The following ITGA4 variants were observed in gnomAD, a reference collection of about 807,000 sequenced individuals.
ITGA4 encodes the protein integrin subunit alpha 4, also known as integrin alpha-4.
In ITGA4, 63 loss-of-function variants were observed where a neutral mutation model predicts 133.6. The observed-to-expected ratio is 0.47, with a 90% CI of 0.38 to 0.58. The LOEUF is 0.58. Ranked by LOEUF, ITGA4 falls within the 20% of genes least tolerant of loss-of-function variation. The pLI, the probability that ITGA4 is intolerant of heterozygous loss-of-function variation, is 0.00. For synonymous variants in ITGA4, 483 were observed against 438.0 expected (o/e 1.10, Z -1.28); for missense variants, 1,076 against 1,252.7 (o/e 0.86, Z 2.13).
intron 10 of ITGA4, among the ~76,000 whole-genome samples, chr2:181,492,004 C>G (rs1007457237): frequency 5.9e-5 from 9 of 152,342 alleles, no homozygotes; most frequent in Admixed American, 5.2e-4. Context: ...CTATGAGAAG[C>G]CTTTTCTAAT....
chr2:181,503,808 A>G (rs917345432), intron 15 of ITGA4, among the ~76,000 whole-genome samples: 10 of 109,352 alleles, frequency 9.1e-5, no homozygotes, highest in African/African-American at 3.4e-4. Flanking sequence ...ATGTTTCCCC[A>G]TTTATGTAAG....
intron 23 of ITGA4, 54 bp downstream of exon 23, chr2:181,529,702 T>C (rs545093331): frequency 5.2e-5 from 47 of 909,556 alleles, no homozygotes; most frequent in Admixed American, 2.6e-4. Flanking sequence ...AATACTAAAA[T>C]AAATGCAAAC....
rs146010286 is a variant in ITGA4 at position 181,495,661 on chromosome 2, G to C, written c.1386-122G>C. ...CTGTGCACAGAAATGTAATTAGTAT[G>C]TACACACATAATAAGACTCATGAAA... On this transcript the variant is annotated intron_variant, in intron 13 of 27. Coordinates refer to ENST00000397033, the MANE Select transcript of ITGA4 (RefSeq NM_000885.6). The surrounding 1 kb of genome is among the most constrained non-coding windows in gnomAD (Gnocchi z 4.3). The C allele has an allele frequency of 1.1e-3, 919 of 817,480 alleles. 9 individuals carry two copies. In the African/African-American group the frequency reaches 0.015, roughly 13 times the overall value. 50.6% of individuals were successfully genotyped at this position (817,480 alleles called of 1,614,324 possible).
intron 21 of ITGA4, among the ~76,000 whole-genome samples, chr2:181,526,889 C>T (rs182473752): frequency 6.4e-5 from 8 of 124,520 alleles, no homozygotes; most frequent in East Asian, 2.6e-4. Flanking sequence ...TGGAGGGCAG[C>T]GGTGTGACCT....
Position 181,531,749 on chromosome 2 carries a change from G to A in ITGA4, c.2757G>A (p.Leu919=). 6.2e-7 allele frequency: 1 copy of A among 1,600,372 alleles called. No homozygotes were observed. ...SGKEASVHIQ[L]EGRPSILEMD... ...AAGAAGCCAGTGTTCATATCCAACT[G>A]GAAGGCCGGCCATCCATTTTAGAAA... The change falls in exon 25 of 28, where the codon CTG becomes CTA. Residue 919 remains leucine (L), a synonymous_variant. Transcript: ENST00000397033.
chr2:181,506,514 C>T (rs10803948), intron 15 of ITGA4, among the ~76,000 whole-genome samples: 147,984 of 152,158 alleles, frequency 0.97, 72,097 homozygotes, highest in Middle Eastern at 1. Context: ...CACCTTCAGA[C>T]CACTATTGCT....
At chr2:181,473,073 C>T (rs565987403) in intron 2 of ITGA4, among the ~76,000 whole-genome samples, 45 of 152,282 alleles carry the variant, frequency 3.0e-4, no homozygotes, top group African/African-American at 8.7e-4. Flanking sequence ...TGTATGCTGT[C>T]GAGAAAAACA....
intron 2 of ITGA4, chr2:181,458,524 C>T (rs1275194543): frequency 3.4e-6 from 2 of 596,460 alleles, no homozygotes; most frequent in South Asian, 4.1e-5. Flanking sequence ...TTCCTTATGG[C>T]AATGATTGCA....
rs1553511508 is a variant in ITGA4, at chr2:181,537,682, A to AATATTGATGTATT, written c.*2158_*2170dup. On this transcript the variant is annotated 3_prime_UTR_variant, in exon 28 of 28. Transcript: ENST00000397033. ...AATTATTTCAGAATTATCTAGGTTA[A>AATATTGATGTATT]ATATTGATGTATTATGATGGTTGCA... The AATATTGATGTATT allele has an allele frequency of 2.3e-6, 1 of 433,322 alleles. No individual in the cohort carries two copies. The highest frequency in any genetic ancestry group is 1.7e-5 in the South Asian group (1 of 59,810). The allele number at this position is 433,322 out of a possible 1,614,324, so 26.8% of individuals were successfully genotyped here. A position where few individuals can be genotyped will look rare whatever the true frequency, so the allele number is the denominator to read the frequency against.
chr2:181,499,808 C>G (rs1413991097), intron 15 of ITGA4, among the ~76,000 whole-genome samples: 1 of 151,990 alleles, frequency 6.6e-6, no homozygotes, highest in Non-Finnish European at 1.5e-5. Flanking sequence ...TTTTACTTAC[C>G]TTAGTCAATT....
At chr2:181,470,170 A>G (rs979117737) in intron 2 of ITGA4, among the ~76,000 whole-genome samples, 1 of 152,158 alleles carries the variant, frequency 6.6e-6, no homozygotes, top group Non-Finnish European at 1.5e-5. Flanking sequence ...AATAGTATGG[A>G]GATTCCTCAA....
chr2:181,463,671 C>T lies in ITGA4; in HGVS notation c.319+5354C>T, dbSNP rs116849693. Among the ~76,000 whole-genome samples, 775 of 152,124 alleles carry T rather than the reference C, an allele frequency of 5.1e-3. 26 individuals are homozygous for T. In the East Asian group the frequency reaches 0.099, roughly 19 times the overall value. ...GGTTTTCTGGCAAAATGATGAGTTT[C>T]GTTGGCTTGAGATTCCTGTGAGACA... On this transcript the variant is annotated intron_variant, in intron 2 of 27. Coordinates refer to ENST00000397033, the MANE Select transcript of ITGA4 (RefSeq NM_000885.6).
intron 17 of ITGA4, among the ~76,000 whole-genome samples, chr2:181,517,538 T>G (rs1444542534): frequency 6.6e-6 from 1 of 152,112 alleles, no homozygotes; most frequent in Non-Finnish European, 1.5e-5. Context: ...ATGCATGTTT[T>G]AATGAAGAAT....
chr2:181,502,033 G>C (rs774285675), intron 15 of ITGA4, among the ~76,000 whole-genome samples: 2 of 151,890 alleles, frequency 1.3e-5, no homozygotes, highest in South Asian at 2.1e-4. Context: ...CCACAGAGGA[G>C]ATAAGAAGGT....
Position 181,516,269 on chromosome 2 carries a change from C to G in ITGA4, c.1922+4494C>G, listed in dbSNP as rs938320040. Among the ~76,000 whole-genome samples the G allele has an allele frequency of 6.6e-6, 1 of 152,040 alleles. No individual in the cohort carries two copies. The highest frequency in any genetic ancestry group is 2.4e-5 in the African/African-American group (1 of 41,418). ...TTTCCCTGAACAATTGCTTCTGTAT[C>G]TGCTAGGAATACTTTTAATTGCAAG... On this transcript the variant is annotated intron_variant, in intron 17 of 27. Transcript: ENST00000397033. The surrounding 1 kb of genome is among the most constrained non-coding windows in gnomAD (Gnocchi z 4.0).
intron 11 of ITGA4, 94 bp downstream of exon 11, chr2:181,493,513 C>A: frequency 1.4e-6 from 1 of 696,046 alleles, no homozygotes. Context: ...TCTTAATTTT[C>A]TCATTCAAAT....
Position 181,478,791 on chromosome 2 carries a change from A to T in ITGA4, c.591A>T (p.Ser197=). The T allele has an allele frequency of 6.7e-7, 1 of 1,495,602 alleles. No homozygotes were observed. The highest frequency in any genetic ancestry group is 9.0e-7 in the Non-Finnish European group (1 of 1,108,260). 92.6% of individuals were successfully genotyped at this position (1,495,602 alleles called of 1,614,324 possible). A position where few individuals can be genotyped will look rare whatever the true frequency, so the allele number is the denominator to read the frequency against. Residue 197 remains serine, a synonymous_variant, in exon 5 of 28, where the codon TCA becomes TCT. Transcript: ENST00000397033. ...YVKKFGENFA[S]CQAGISSFYT... ...AAAAATTTGGAGAAAATTTTGCATC[A>T]TGTCAAGCTGGAATATCCAGTTTTT...
At position 181,524,179 on chromosome 2, in the gene ITGA4, T is replaced by A; in HGVS notation, c.2178T>A (p.Ile726=). 1 of 1,601,576 alleles carries A rather than the reference T, an allele frequency of 6.2e-7. No homozygotes were observed. The highest frequency in any genetic ancestry group is 8.5e-7 in the Non-Finnish European group (1 of 1,173,268). The change falls in exon 20 of 28, where the codon ATT becomes ATA. Residue 726 remains isoleucine, a synonymous_variant. Transcript: ENST00000397033. The stretch of plus-strand genomic sequence containing the variant: ...TGGTCTGTGTTTTACAGATAGATAT[T>A]AGCTTTCTCCTGGATGTGAGCTCAC... ...IYVDHLSRID[I]SFLLDVSSLS...
At chr2:181,475,895 G>A (rs1685663739) in intron 4 of ITGA4, 2 of 1,563,748 alleles carry the variant, frequency 1.3e-6, no homozygotes, top group African/African-American at 2.7e-5. Flanking sequence ...GAGCATGTCA[G>A]AGGATATCTG....
Sources: gnomAD v4.1 joint callset for allele counts (sites outside exome capture counted in the v4.1 genomes callset) on GRCh38, gnomAD v4.1.1 for gene constraint, Gnocchi (gnomAD v3.1) non-coding constraint, MANE v1.5 for transcripts, NCBI Gene and HGNC (gene_info 2026-07-23, HGNC 2026-07-21) for gene names.